USP24: variants seen among roughly 807,000 people sequenced by gnomAD.
USP24 encodes the protein ubiquitin specific peptidase 24, also known as ubiquitin carboxyl-terminal hydrolase 24.
USP24 carries 97 observed loss-of-function variants against 361.6 expected under a neutral mutation model. That is an observed-to-expected ratio of 0.27 (90% confidence interval 0.23 to 0.32). The LOEUF is 0.32. Ranked by LOEUF, USP24 falls within the 10% of genes least tolerant of loss-of-function variation. The pLI is 1.00. For missense variants in USP24, 2,353 were observed against 3,165.6 expected (o/e 0.74, Z 6.16); for synonymous variants, 1,098 against 1,124.6 (o/e 0.98, Z 0.47).
chr1:55,200,695 G>A (rs1644547197), intron 1 of USP24, among the ~76,000 whole-genome samples: 1 of 152,136 alleles, frequency 6.6e-6, no homozygotes, highest in Non-Finnish European at 1.5e-5. Context: ...TCAGTTTTCT[G>A]CTTTAATTAT....
In USP24 at chr1:55,154,726, G is replaced by A; in HGVS notation, c.1499C>T (p.Ala500Val). 6.2e-7 allele frequency: 1 copy of A among 1,613,284 alleles called. No homozygotes were observed. Among genetic ancestry groups the A allele is most frequent in the Non-Finnish European group, 8.5e-7 (1 of 1,179,568 alleles). ...CTGATCTGAATTAAATTTCACAGCCGCTGCAGCAATAATAGTATGAATGTT... is the reference window on the plus strand; with the variant it reads ...CTGATCTGAATTAAATTTCACAGCCACTGCAGCAATAATAGTATGAATGTT... ...IENIHTIIAA[A>V]AVKFNSDQLN... is the part of the protein sequence containing the mutation. The change falls in exon 13 of 68, where the codon GCG (alanine) becomes GTG (valine). Residue 500 changes from alanine (A) to valine (V), a missense_variant. By Grantham distance (64) the Ala-to-Val change is moderately conservative. Around this residue, in one of 8 missense-constraint regions of USP24, gnomAD observed 386 missense variants for 560.5 expected, o/e 0.69. Coordinates refer to ENST00000294383, the MANE Select transcript of USP24 (RefSeq NM_015306.3).
intron 3 of USP24, among the ~76,000 whole-genome samples, chr1:55,173,806 T>G (rs1649687940): frequency 6.6e-6 from 1 of 152,192 alleles, no homozygotes; most frequent in African/African-American, 2.4e-5. Flanking sequence ...TTTGCCTGAC[T>G]ATATATTCCT....
chr1:55,071,487 T>C (rs1428561425), intron 67 of USP24: 1 of 1,063,222 alleles, frequency 9.4e-7, no homozygotes, highest in Non-Finnish European at 1.1e-6. Flanking sequence ...GGACTTTCAG[T>C]AACCTGGCAA....
At chr1:55,101,886 A>G (rs1219756575) in intron 42 of USP24, among the ~76,000 whole-genome samples, 183 bp from the exon 43 acceptor site, 1 of 152,244 alleles carries the variant, frequency 6.6e-6, no homozygotes, top group African/African-American at 2.4e-5. Context: ...TAATTATCAA[A>G]TACTGCTATC....
intron 1 of USP24, among the ~76,000 whole-genome samples, chr1:55,203,918 T>G (rs1369510104): frequency 1.3e-5 from 2 of 152,254 alleles, no homozygotes; most frequent in East Asian, 3.9e-4. Context: ...CATACATATG[T>G]GTACACATAA....
chr1:55,212,949 CA>C (rs1557718324), intron 1 of USP24, among the ~76,000 whole-genome samples: 1 of 152,178 alleles, frequency 6.6e-6, no homozygotes, highest in East Asian at 1.9e-4. Context: ...TTTGTACTTA[CA>C]TGTACTGGCA....
Position 55,137,993 on chromosome 1 carries a change from A to G in USP24, c.2929-89T>C. On this transcript the variant is annotated intron_variant, in intron 26 of 67. Transcript: ENST00000294383. ...AGTGAACATCTACTAGGTACTGGGCACTGTTCTAGAAGCTGGGAACACAGC... is the reference window on the plus strand; with the variant it reads ...AGTGAACATCTACTAGGTACTGGGCGCTGTTCTAGAAGCTGGGAACACAGC... 2.3e-6 allele frequency: 3 copies of G among 1,276,920 alleles called. No homozygotes were observed. In the East Asian group the frequency reaches 7.6e-5, roughly 32 times the overall value. The allele number at this position is 1,276,920 out of a possible 1,614,324, so 79.1% of individuals were successfully genotyped here.
At chr1:55,134,708 G>A (rs1197355134) in intron 28 of USP24, among the ~76,000 whole-genome samples, 1 of 152,220 alleles carries the variant, frequency 6.6e-6, no homozygotes, top group East Asian at 1.9e-4. Flanking sequence ...CAGAGAGCAT[G>A]TGTAATTAAT....
At chr1:55,126,488 A>T (rs1051279654) in intron 32 of USP24, among the ~76,000 whole-genome samples, 2 of 152,220 alleles carry the variant, frequency 1.3e-5, no homozygotes, top group Non-Finnish European at 2.9e-5. Flanking sequence ...CTAGACTGTA[A>T]GCTTCATGAG....
intron 1 of USP24, among the ~76,000 whole-genome samples, chr1:55,196,835 C>T (rs1417336770): frequency 2.6e-5 from 4 of 152,210 alleles, no homozygotes; most frequent in African/African-American, 9.6e-5. Flanking sequence ...TGACCTCTGC[C>T]CGTTGAGTTC....
intron 55 of USP24, among the ~76,000 whole-genome samples, chr1:55,086,793 G>C (rs1645260637): frequency 6.6e-6 from 1 of 152,188 alleles, no homozygotes; most frequent in East Asian, 1.9e-4. Flanking sequence ...GCCTGCATGT[G>C]GGTATCCTGT....
rs1317339757 is a variant in USP24, at chr1:55,067,990, G to A, written c.*1055C>T. On this transcript the variant is annotated 3_prime_UTR_variant, in exon 68 of 68. Coordinates refer to ENST00000294383, the MANE Select transcript of USP24 (RefSeq NM_015306.3). ...TTCAGTGTTAATTAGTCATGTTGAG[G>A]AGAAACAAATTCTCAAATTCCTTCT... The A allele has an allele frequency of 2.0e-5, 3 of 152,152 alleles. No homozygotes were observed. Among genetic ancestry groups the A allele is most frequent in the African/African-American group, 7.2e-5 (3 of 41,420 alleles). 9.4% of individuals were successfully genotyped at this position (152,152 alleles called of 1,614,324 possible). A position where few individuals can be genotyped will look rare whatever the true frequency, so the allele number is the denominator to read the frequency against.
At chr1:55,175,560 C>T (rs992818577) in intron 3 of USP24, among the ~76,000 whole-genome samples, 2 of 152,088 alleles carry the variant, frequency 1.3e-5, no homozygotes, top group African/African-American at 4.8e-5. Flanking sequence ...AAACATTACC[C>T]ATCTGTAGTT....
intron 53 of USP24, 40 bp from the exon 54 acceptor site, chr1:55,092,166 A>C (rs188763493): frequency 7.7e-5 from 102 of 1,323,870 alleles, no homozygotes; most frequent in Non-Finnish European, 9.9e-5. Flanking sequence ...TTTTCACAGA[A>C]GTTTTATAGA....
chr1:55,107,180 T>C, intron 40 of USP24, 59 bp downstream of exon 40: 1 of 1,555,684 alleles, frequency 6.4e-7, no homozygotes, highest in African/African-American at 1.4e-5. Context: ...TTACACACAG[T>C]ACTGGCAATA....
intron 54 of USP24, among the ~76,000 whole-genome samples, chr1:55,090,080 T>G (rs1187357776): frequency 6.6e-6 from 1 of 152,218 alleles, no homozygotes; most frequent in Non-Finnish European, 1.5e-5. Flanking sequence ...CTATAGCATT[T>G]TTTTCATTAA....
At chr1:55,141,380 T>C (rs1489272886) in intron 24 of USP24, among the ~76,000 whole-genome samples, 1 of 152,140 alleles carries the variant, frequency 6.6e-6, no homozygotes. Context: ...GGTAGAAGGA[T>C]AGGGACAGGG....
intron 58 of USP24, among the ~76,000 whole-genome samples, chr1:55,082,396 C>T (rs563090731): frequency 6.6e-6 from 1 of 152,272 alleles, no homozygotes; most frequent in African/African-American, 2.4e-5. Flanking sequence ...ATAAATAGTA[C>T]TTATTACCAC....
intron 1 of USP24, among the ~76,000 whole-genome samples, chr1:55,198,293 T>C (rs1484043958): frequency 6.6e-6 from 1 of 152,202 alleles, no homozygotes; most frequent in East Asian, 1.9e-4. Context: ...ATATTTCTCA[T>C]TTTAGAAAGA....
Sources: gnomAD v4.1 joint callset for allele counts (sites outside exome capture counted in the v4.1 genomes callset) on GRCh38, gnomAD v4.1.1 for gene constraint, gnomAD v4.1.1 regional missense constraint, MANE v1.5 for transcripts, NCBI Gene and HGNC (gene_info 2026-07-23, HGNC 2026-07-21) for gene names.